The following GSTA5 variants were observed in gnomAD, a reference collection of about 807,000 sequenced individuals.
GSTA5 encodes glutathione S-transferase alpha 5.
GSTA5 carries 25 observed loss-of-function variants against 21.8 expected under a neutral mutation model. The observed-to-expected ratio is 1.14, with a 90% CI of 0.83 to 1.60. The LOEUF is 1.60. GSTA5 is among the 40% of genes most tolerant of loss of function. The pLI, the probability that GSTA5 is intolerant of heterozygous loss-of-function variation, is 0.00. For synonymous variants in GSTA5, 102 were observed against 89.5 expected (o/e 1.14, Z -0.78); for missense variants, 330 against 259.2 (o/e 1.27, Z -1.88).
chr6:52,835,199 C>T (rs1339998837), intron 3 of GSTA5, among the ~76,000 whole-genome samples: 1 of 152,196 alleles, frequency 6.6e-6, no homozygotes, highest in East Asian at 1.9e-4. Context: ...TACCTCCAGG[C>T]AACCACTAAT....
chr6:52,832,816 T>A (rs1404277355), intron 5 of GSTA5, 43 bp downstream of exon 5: 3 of 1,612,272 alleles, frequency 1.9e-6, no homozygotes, highest in Non-Finnish European at 1.7e-6. Flanking sequence ...GATCCCAATA[T>A]AAGAGATGTG....
At chr6:52,833,287 T>G (rs71548667) in intron 4 of GSTA5, among the ~76,000 whole-genome samples, 149,807 of 152,166 alleles carry the variant, frequency 0.98, 73,792 homozygotes, top group South Asian at 1. Context: ...AGCACCTGCC[T>G]CCATGTGTTC....
At chr6:52,841,738 G>A (rs749382875), upstream of GSTA5, among the ~76,000 whole-genome samples, 2 of 152,190 alleles carry the variant, frequency 1.3e-5, no homozygotes, top group African/African-American at 2.4e-5. Flanking sequence ...ATCACCTAAG[G>A]TGAAAGGCTG....
upstream of GSTA5, among the ~76,000 whole-genome samples, chr6:52,843,253 T>C (rs987794030): frequency 3.3e-5 from 5 of 152,206 alleles, no homozygotes; most frequent in African/African-American, 1.2e-4. Context: ...TTATAATCCT[T>C]TGGGTATATA....
chr6:52,833,258 C>T (rs1764243019), intron 4 of GSTA5, among the ~76,000 whole-genome samples: 1 of 152,226 alleles, frequency 6.6e-6, no homozygotes. Context: ...CTTGCTTCTT[C>T]CACATGCGCC....
chr6:52,832,448 T>A (rs1188604737), intron 5 of GSTA5, among the ~76,000 whole-genome samples: 1 of 152,018 alleles, frequency 6.6e-6, no homozygotes, highest in Non-Finnish European at 1.5e-5. Context: ...GACCACAATG[T>A]CTGACAAAAG....
upstream of GSTA5, among the ~76,000 whole-genome samples, chr6:52,842,729 T>C (rs1764397788): frequency 6.6e-6 from 1 of 152,216 alleles, no homozygotes; most frequent in South Asian, 2.1e-4. Flanking sequence ...TCTACAAAAG[T>C]ATGTATGACT....
intron 1 of GSTA5, among the ~76,000 whole-genome samples, chr6:52,840,076 C>T (rs888842942): frequency 2.6e-5 from 4 of 152,222 alleles, no homozygotes; most frequent in African/African-American, 9.6e-5. Context: ...TTACACCTCT[C>T]ATTTATAGTT....
In GSTA5 at chr6:52,831,788, T is replaced by A. The variant is rs1274081809; in HGVS notation, c.*60A>T. On this transcript the variant is annotated 3_prime_UTR_variant, in exon 6 of 6. Transcript: ENST00000370989. ...ACAATCCACACTTAGGTAAAGCACT[T>A]CATTGTTGCAAACTGTAGAATATTG... is the stretch of plus-strand genomic sequence containing the variant. 20 of 1,599,328 alleles carry A rather than the reference T, an allele frequency of 1.3e-5. No individual in the cohort carries two copies. The East Asian group carries it at 4.5e-4, about 36-fold the overall frequency.
chr6:52,834,253 T>C, exon 4 of GSTA5: 1 of 1,614,048 alleles, frequency 6.2e-7, no homozygotes, highest in South Asian at 1.1e-5. Context: ...TTCAGTCAAA[T>C]CTACTATACC....
At chr6:52,841,779 T>A (rs1764380169), upstream of GSTA5, among the ~76,000 whole-genome samples, 1 of 152,214 alleles carries the variant, frequency 6.6e-6, no homozygotes, top group Admixed American at 6.5e-5. Context: ...TTGAGGATAC[T>A]GAGGTTTTTA....
upstream of GSTA5, among the ~76,000 whole-genome samples, chr6:52,843,483 G>A (rs1385655823): frequency 6.6e-6 from 1 of 152,116 alleles, no homozygotes; most frequent in Non-Finnish European, 1.5e-5. Flanking sequence ...ATTTTGATTT[G>A]CATTTCTCTA....
At chr6:52,838,755 C>T (rs959567488) in intron 1 of GSTA5, among the ~76,000 whole-genome samples, 23 of 152,186 alleles carry the variant, frequency 1.5e-4, no homozygotes, top group African/African-American at 4.8e-4. Flanking sequence ...GATCTGGTTC[C>T]AATCTTGACT....
At chr6:52,843,288 A>C (rs1764407755), upstream of GSTA5, among the ~76,000 whole-genome samples, 3 of 152,172 alleles carry the variant, frequency 2.0e-5, no homozygotes, top group Non-Finnish European at 4.4e-5. Context: ...TGCTGGGTCA[A>C]ATAGTATTTC....
intron 1 of GSTA5, 62 bp from the exon 2 acceptor site, chr6:52,837,671 GA>G (rs1197526852): frequency 7.8e-6 from 9 of 1,157,398 alleles, no homozygotes. Flanking sequence ...TTGTGATGTT[GA>G]ATGGCCCCTA....
At chr6:52,834,398 G>C (rs1315354250) in intron 3 of GSTA5, 116 bp from the exon 4 acceptor site, 2 of 947,132 alleles carry the variant, frequency 2.1e-6, no homozygotes, top group Non-Finnish European at 3.2e-6. Flanking sequence ...CCTCCAGTTA[G>C]TGCCTTTTAT....
chr6:52,844,972 T>C (rs1180126631), upstream of GSTA5, among the ~76,000 whole-genome samples: 2 of 152,218 alleles, frequency 1.3e-5, no homozygotes, highest in Non-Finnish European at 2.9e-5. Flanking sequence ...AATCGTTCTA[T>C]GCATTTGTCT....
upstream of GSTA5, among the ~76,000 whole-genome samples, chr6:52,845,235 G>A (rs528134576): frequency 6.6e-6 from 1 of 152,102 alleles, no homozygotes; most frequent in African/African-American, 2.4e-5. Flanking sequence ...GGGGCACATT[G>A]GTAACATAGC....
chr6:52,832,611 C>T (rs1764232924), intron 5 of GSTA5, among the ~76,000 whole-genome samples: 1 of 152,190 alleles, frequency 6.6e-6, no homozygotes, highest in Admixed American at 6.5e-5. Flanking sequence ...AGCTGCTGGG[C>T]ACTGGGTCCT....
Sources: gnomAD v4.1 joint callset for allele counts (sites outside exome capture counted in the v4.1 genomes callset) on GRCh38, gnomAD v4.1.1 for gene constraint, MANE v1.5 for transcripts, NCBI Gene and HGNC (gene_info 2026-07-23, HGNC 2026-07-21) for gene names.